The following PCNT variants were observed in gnomAD, a reference collection of about 807,000 sequenced individuals.
The protein encoded by PCNT is kendrin.
PCNT carries 319 observed loss-of-function variants against 380.4 expected under a neutral mutation model. The ratio of observed to expected loss-of-function variants is 0.84; its 90% CI spans 0.77 to 0.92. The LOEUF is 0.92. PCNT is among the 40% of genes least tolerant of loss of function. The pLI, the probability that PCNT is intolerant of heterozygous loss-of-function variation, is 0.00. For missense variants in PCNT, 4,400 were observed against 4,255.3 expected, an observed-to-expected ratio of 1.03 and a Z score of -0.95; for synonymous variants, 1,845 against 1,735.2, an observed-to-expected ratio of 1.06 and a Z score of -1.57.
chr21:46,363,589 T>C lies in PCNT; in HGVS notation c.2264T>C (p.Met755Thr), dbSNP rs201827977. The C allele has an allele frequency of 3.1e-6, 5 of 1,614,006 alleles. No individual in the cohort carries two copies. The African/African-American group carries it at 4.0e-5, about 13-fold the overall frequency. The change falls in exon 14 of 47, where the codon ATG (methionine) becomes ACG (threonine). Residue 755 changes from methionine to threonine, a missense_variant. Coordinates refer to ENST00000359568, the MANE Select transcript of PCNT (RefSeq NM_006031.6). The stretch of plus-strand genomic sequence containing the variant: ...AGAAAAGAAACGGACTGGAAAGTTA[T>C]GAAGGAGGAGCTACAGCGGGAAGCT... Reference protein sequence around the residue: ...FQRKETDWKVMKEELQREAEE... With the variant: ...FQRKETDWKVTKEELQREAEE...
Position 46,349,320 on chromosome 21 carries a change from G to A in PCNT, c.1207+134G>A, listed in dbSNP as rs111492704. 81 of 813,930 alleles carry A rather than the reference G, an allele frequency of 1.0e-4. No individual in the cohort carries two copies. The African/African-American group carries it at 1.1e-3, about 11-fold the overall frequency. 50.4% of individuals were successfully genotyped at this position (813,930 alleles called of 1,614,324 possible). A position where few individuals can be genotyped will look rare whatever the true frequency, so the allele number is the denominator to read the frequency against. ...CTAAATGCTGGATGGCCCCATGCAC[G>A]TGTGACACGCTGGTGGCCGTCATGG... On this transcript the variant is annotated intron_variant, in intron 7 of 46. Coordinates refer to ENST00000359568, the MANE Select transcript of PCNT (RefSeq NM_006031.6).
intron 16 of PCNT, among the ~76,000 whole-genome samples, chr21:46,383,395 A>C (rs1335795213): frequency 6.9e-6 from 1 of 145,790 alleles, no homozygotes; most frequent in African/African-American, 2.5e-5. Flanking sequence ...TCAGTGACGG[A>C]AGCGCATTCA....
rs902047218 is a variant in PCNT at position 46,349,955 on chromosome 21, G to T, written c.1344+135G>T. 7 of 886,626 alleles carry T rather than the reference G, an allele frequency of 7.9e-6. 1 individual carries two copies. In the African/African-American group the frequency reaches 1.0e-4, roughly 13 times the overall value. The allele number at this position is 886,626 out of a possible 1,614,324, so 54.9% of individuals were successfully genotyped here. ...TTTAAAGAGACTGGCTGGGAACAGT[G>T]GTTCACGCCTGTAACTCTATCACTT... On this transcript the variant is annotated intron_variant, in intron 8 of 46. Coordinates refer to ENST00000359568, the MANE Select transcript of PCNT (RefSeq NM_006031.6).
rs1260506581 is a variant in PCNT at position 46,401,550 on chromosome 21, G to A, written c.4792-1G>A. 6.2e-7 allele frequency: 1 copy of A among 1,612,026 alleles called. No individual in the cohort carries two copies. The highest frequency in any genetic ancestry group is 1.1e-5 in the South Asian group (1 of 91,040). On this transcript the variant is annotated splice_acceptor_variant, in intron 25 of 46. Transcript: ENST00000359568. LOFTEE classifies it high-confidence loss of function. ...AAATAGAGTTCTTTTTTTTTTAATA[G>A]GATAAAGAGGTGTTAAAGAAACAGC...
chr21:46,390,626 T>TTA (rs762214094), intron 19 of PCNT, 44 bp from the exon 20 acceptor site: 1 of 1,605,178 alleles, frequency 6.2e-7, no homozygotes, highest in South Asian at 1.1e-5. Flanking sequence ...TAGGCTTCAG[T>TTA]TATTTTTGAT....
At chr21:46,441,234 CA>C (rs1246248930) in intron 43 of PCNT, 150 bp downstream of exon 43, 18 of 687,026 alleles carry the variant, frequency 2.6e-5, no homozygotes, top group Non-Finnish European at 4.8e-5. Flanking sequence ...AGAGAAAATA[CA>C]GATGATGAAC....
At position 46,347,518 on chromosome 21, in the gene PCNT, C is replaced by T. The variant is rs367920438; in HGVS notation, c.1032+6C>T. ...AAAACGCCCAGATAGTAAAGGTACCCGGGATCGATTCTAAAATGCACGCCT... is the reference window on the plus strand; with the variant it reads ...AAAACGCCCAGATAGTAAAGGTACCTGGGATCGATTCTAAAATGCACGCCT... On this transcript the variant is annotated splice_donor_region_variant and intron_variant, in intron 6 of 46. Coordinates refer to ENST00000359568, the MANE Select transcript of PCNT (RefSeq NM_006031.6). 46 of 1,613,558 alleles carry T rather than the reference C, an allele frequency of 2.9e-5. No homozygotes were observed. Among genetic ancestry groups the T allele is most frequent in the East Asian group, 1.3e-4 (6 of 44,882 alleles).
At position 46,390,653 on chromosome 21, in the gene PCNT, C is replaced by T; in HGVS notation, c.3841-17C>T. On this transcript the variant is annotated splice_polypyrimidine_tract_variant and intron_variant, in intron 19 of 46. Transcript: ENST00000359568. ...ATTTTTGATCTGGAGTTTTGATTTG[C>T]AAATGTGTTTTAACAGCTGGAAGAA... The T allele has an allele frequency of 6.2e-7, 1 of 1,613,614 alleles. No individual in the cohort carries two copies. Among genetic ancestry groups the T allele is most frequent in the Non-Finnish European group, 8.5e-7 (1 of 1,179,608 alleles).
chr21:46,349,293 T>G (rs1041765396), intron 7 of PCNT, 107 bp downstream of exon 7: 15 of 964,264 alleles, frequency 1.6e-5, no homozygotes, highest in Non-Finnish European at 2.5e-5. Context: ...GTTTCCTACC[T>G]TCTAAATGCT....
chr21:46,372,850 C>T lies in PCNT; in HGVS notation c.3165+5711C>T, dbSNP rs1202583824. Among the ~76,000 whole-genome samples the T allele has an allele frequency of 5.9e-5, 9 of 152,292 alleles. No individual in the cohort carries two copies. The South Asian group carries it at 8.3e-4, about 14-fold the overall frequency. The stretch of plus-strand genomic sequence containing the variant: ...CTGAGACCTGCACCCTGCTGGGTAT[C>T]GTGTGGGTCTGTCTTCTCTGGAAAA... On this transcript the variant is annotated intron_variant, in intron 15 of 46. Coordinates refer to ENST00000359568, the MANE Select transcript of PCNT (RefSeq NM_006031.6).
intron 13 of PCNT, among the ~76,000 whole-genome samples, 165 bp from the exon 14 acceptor site, chr21:46,363,315 T>G (rs2084783648): frequency 6.6e-6 from 1 of 152,242 alleles, no homozygotes; most frequent in Non-Finnish European, 1.5e-5. Context: ...ACTTTAGGTT[T>G]CTTCCATTGT....
In PCNT at chr21:46,428,377, G is replaced by C; in HGVS notation, c.7495-18G>C. On this transcript the variant is annotated intron_variant, in intron 34 of 46. Transcript: ENST00000359568. The stretch of plus-strand genomic sequence containing the variant: ...TGGCTGCCCAATGCTCAGGCTGCTT[G>C]TCCCATTGTGCCCCCAGGGAGACCT... 1.2e-6 allele frequency: 2 copies of C among 1,610,016 alleles called. No individual in the cohort carries two copies. Among genetic ancestry groups the C allele is most frequent in the Non-Finnish European group, 1.7e-6 (2 of 1,178,472 alleles).
chr21:46,356,896 G>A (rs972115646), intron 12 of PCNT, 78 bp from the exon 13 acceptor site: 14 of 1,241,392 alleles, frequency 1.1e-5, no homozygotes, highest in East Asian at 4.6e-5. Flanking sequence ...ATAGGTTGCC[G>A]TTCTGCCTGT....
At chr21:46,397,669 ATGT>A (rs1296064485) in intron 22 of PCNT, among the ~76,000 whole-genome samples, 175 bp downstream of exon 22, 2 of 152,070 alleles carry the variant, frequency 1.3e-5, no homozygotes, top group Non-Finnish European at 2.9e-5. Context: ...TCTTGCCCAC[ATGT>A]TGTGGCGCAG....
intron 2 of PCNT, among the ~76,000 whole-genome samples, chr21:46,332,957 TAAAA>T (rs1163662180): frequency 6.6e-6 from 1 of 151,650 alleles, no homozygotes; most frequent in Non-Finnish European, 1.5e-5. Flanking sequence ...TACAAAAAAA[TAAAA>T]AATAAGCTGG....
chr21:46,413,529 A>G (rs2086890119), intron 29 of PCNT, among the ~76,000 whole-genome samples: 1 of 152,228 alleles, frequency 6.6e-6, no homozygotes, highest in Non-Finnish European at 1.5e-5. Context: ...ACTGTTGTGA[A>G]ATTTCGTACG....
At chr21:46,402,053 C>T (rs945227559) in intron 26 of PCNT, among the ~76,000 whole-genome samples, 1 of 152,130 alleles carries the variant, frequency 6.6e-6, no homozygotes. Context: ...AGGGTTTCAC[C>T]ATGTTGGCCA....
chr21:46,412,704 T>C, intron 28 of PCNT, 133 bp from the exon 29 acceptor site: 1 of 940,644 alleles, frequency 1.1e-6, no homozygotes, highest in Non-Finnish European at 1.7e-6. Flanking sequence ...GGTGCTCGGC[T>C]GTGGATGTCA....
At chr21:46,401,112 T>G (rs1380301119) in intron 25 of PCNT, among the ~76,000 whole-genome samples, 1 of 152,100 alleles carries the variant, frequency 6.6e-6, no homozygotes, top group Non-Finnish European at 1.5e-5. Flanking sequence ...TGCAATTTTA[T>G]ATGTCATGCT....
Sources: allele counts gnomAD v4.1 joint callset (sites outside exome capture counted in the v4.1 genomes callset), GRCh38; gene constraint gnomAD v4.1.1; transcripts MANE v1.5; gene names NCBI Gene and HGNC (gene_info 2026-07-23, HGNC 2026-07-21).